GRID1: variants seen among roughly 807,000 people sequenced by gnomAD.
GRID1 encodes the protein glutamate receptor ionotropic, delta-1.
A neutral mutation model predicts 98.0 loss-of-function variants in GRID1; 28 were observed. The observed-to-expected ratio is 0.29, with a 90% CI of 0.21 to 0.39. The LOEUF is 0.39. GRID1 is among the 10% of genes least tolerant of loss of function. GRID1 has a pLI of 1.00. For synonymous variants in GRID1, 553 were observed against 538.5 expected (o/e 1.03, Z -0.37); for missense variants, 1,111 against 1,340.5 (o/e 0.83, Z 2.67).
At chr10:85,625,576 C>A (rs1402667588) in intron 13 of GRID1, among the ~76,000 whole-genome samples, 1 of 152,146 alleles carries the variant, frequency 6.6e-6, no homozygotes, top group Non-Finnish European at 1.5e-5. Context: ...CCTGGGATGC[C>A]AGGACAACAG....
intron 3 of GRID1, among the ~76,000 whole-genome samples, chr10:86,159,546 C>CA (rs139873067): frequency 0.084 from 12,787 of 152,256 alleles, 602 homozygotes; most frequent in Middle Eastern, 0.18. Context: ...CCCTCTAGGT[C>CA]TGTGTAAGTA....
chr10:86,120,465 C>T (rs944442490), intron 4 of GRID1, among the ~76,000 whole-genome samples: 1 of 152,240 alleles, frequency 6.6e-6, no homozygotes, highest in African/African-American at 2.4e-5. Flanking sequence ...TAAGGACAGA[C>T]AAGTGCTCTC....
chr10:86,159,520 T>TGTA (rs1845290718), intron 3 of GRID1, among the ~76,000 whole-genome samples: 1 of 152,128 alleles, frequency 6.6e-6, no homozygotes, highest in East Asian at 1.9e-4. Flanking sequence ...ATAGTCTAGG[T>TGTA]GTATAGGTGG....
intron 2 of GRID1, among the ~76,000 whole-genome samples, chr10:86,306,294 A>G (rs974118985): frequency 5.3e-5 from 8 of 152,186 alleles, no homozygotes; most frequent in African/African-American, 1.9e-4. Flanking sequence ...GGCTCTCACA[A>G]GGACTGAGTA....
At chr10:86,086,116 C>G (rs1193064151) in intron 4 of GRID1, among the ~76,000 whole-genome samples, 1 of 152,056 alleles carries the variant, frequency 6.6e-6, no homozygotes, top group East Asian at 1.9e-4. Flanking sequence ...ATCACCACCC[C>G]CAAGAAGCCC....
chr10:86,345,937 A>G (rs4445560), intron 2 of GRID1, among the ~76,000 whole-genome samples: 7,193 of 152,164 alleles, frequency 0.047, 628 homozygotes, highest in East Asian at 0.43. Context: ...CCCTTTCTTC[A>G]CCTGACCAAC....
chr10:86,128,290 G>A (rs188294429), intron 4 of GRID1, among the ~76,000 whole-genome samples: 178 of 152,192 alleles, frequency 1.2e-3, no homozygotes, highest in Non-Finnish European at 1.8e-3. Flanking sequence ...CCCTGGGGTA[G>A]GAAACCCTCC....
chr10:86,305,771 G>T (rs1847751463), intron 2 of GRID1, among the ~76,000 whole-genome samples: 1 of 152,206 alleles, frequency 6.6e-6, no homozygotes, highest in South Asian at 2.1e-4. Context: ...AATGCCTCTG[G>T]CCCTCTGGGG....
intron 5 of GRID1, among the ~76,000 whole-genome samples, chr10:85,912,922 C>T (rs1346251472): frequency 1.3e-5 from 2 of 152,170 alleles, no homozygotes; most frequent in Non-Finnish European, 2.9e-5. Flanking sequence ...TGAGCAAAGC[C>T]TAAAATGATA....
chr10:85,977,027 C>A (rs949921261), intron 4 of GRID1, among the ~76,000 whole-genome samples: 2 of 152,216 alleles, frequency 1.3e-5, no homozygotes, highest in African/African-American at 4.8e-5. Context: ...TGACAAGGCC[C>A]AGCTTCACGG....
chr10:85,928,426 C>G (rs1379283160), intron 4 of GRID1, among the ~76,000 whole-genome samples: 1 of 152,252 alleles, frequency 6.6e-6, no homozygotes, highest in African/African-American at 2.4e-5. Context: ...AGCAGCAAGG[C>G]AGCCTGCACA....
intron 13 of GRID1, among the ~76,000 whole-genome samples, chr10:85,637,757 T>C (rs1185906909): frequency 2.0e-5 from 3 of 152,252 alleles, no homozygotes; most frequent in African/African-American, 4.8e-5. Flanking sequence ...TTGAGGCTTA[T>C]AGATTATAAA....
At chr10:86,103,563 T>C (rs531844100) in intron 4 of GRID1, among the ~76,000 whole-genome samples, 13 of 152,294 alleles carry the variant, frequency 8.5e-5, no homozygotes, top group African/African-American at 3.1e-4. Flanking sequence ...GGACAAGCAG[T>C]GAAACTGCAG....
intron 8 of GRID1, among the ~76,000 whole-genome samples, chr10:85,769,135 T>A (rs1439220951): frequency 6.6e-6 from 1 of 152,036 alleles, no homozygotes; most frequent in African/African-American, 2.4e-5. Context: ...TGAAAATAAC[T>A]GCAAGAAAAA....
At chr10:86,294,037 G>T (rs1378222233) in intron 2 of GRID1, among the ~76,000 whole-genome samples, 1 of 152,216 alleles carries the variant, frequency 6.6e-6, no homozygotes, top group Admixed American at 6.5e-5. Context: ...GGTGATCACT[G>T]TTATGGGTAA....
chr10:85,709,011 A>C, intron 12 of GRID1: 1 of 277,674 alleles, frequency 3.6e-6, no homozygotes, highest in South Asian at 4.9e-5. Context: ...AATTTCCTCA[A>C]GTTAAAAACT....
chr10:86,028,547 T>C (rs1333471808), intron 4 of GRID1, among the ~76,000 whole-genome samples: 1 of 152,198 alleles, frequency 6.6e-6, no homozygotes, highest in African/African-American at 2.4e-5. Flanking sequence ...TTGGAATCTT[T>C]AAATATTCAT....
intron 4 of GRID1, among the ~76,000 whole-genome samples, chr10:86,011,825 T>C (rs969988293): frequency 6.6e-6 from 1 of 152,150 alleles, no homozygotes; most frequent in Non-Finnish European, 1.5e-5. Context: ...TCTGACATAA[T>C]GTAGAGGAAA....
At chr10:86,234,246 A>C (rs1438277768) in intron 2 of GRID1, among the ~76,000 whole-genome samples, 1 of 152,178 alleles carries the variant, frequency 6.6e-6, no homozygotes, top group Non-Finnish European at 1.5e-5. Flanking sequence ...CCACCCTAGA[A>C]AGAGAGAAGT....
Sources: gnomAD v4.1 joint callset for allele counts (sites outside exome capture counted in the v4.1 genomes callset) on GRCh38, gnomAD v4.1.1 for gene constraint, MANE v1.5 for transcripts, NCBI Gene and HGNC (gene_info 2026-07-23, HGNC 2026-07-21) for gene names.